The following BABAM2 variants were observed in gnomAD, a reference collection of about 807,000 sequenced individuals.
BABAM2 encodes the protein BRISC and BRCA1 A complex member 2.
A neutral mutation model predicts 54.7 loss-of-function variants in BABAM2; 31 were observed. The observed-to-expected ratio is 0.57, with a 90% CI of 0.43 to 0.77. BABAM2 has a LOEUF of 0.77. Among genes scored for constraint, BABAM2 ranks in the 30% least tolerant of loss-of-function variants. The pLI is 0.00. For missense variants in BABAM2, 364 were observed against 455.8 expected (o/e 0.80, Z 1.83); for synonymous variants, 167 against 162.9 (o/e 1.03, Z -0.19).
intron 2 of BABAM2, among the ~76,000 whole-genome samples, chr2:27,922,992 A>G (rs900338247): frequency 6.6e-6 from 1 of 152,200 alleles, no homozygotes; most frequent in Non-Finnish European, 1.5e-5. Context: ...ATGGCTTTCT[A>G]GATGAGTGAA....
At chr2:27,936,558 A>G (rs1431840129) in intron 3 of BABAM2, among the ~76,000 whole-genome samples, 2 of 152,242 alleles carry the variant, frequency 1.3e-5, no homozygotes, top group African/African-American at 2.4e-5. Flanking sequence ...CAAATGTCCA[A>G]CAATGATAGA....
chr2:27,988,334 TA>T (rs1672547977), intron 4 of BABAM2, among the ~76,000 whole-genome samples: 1 of 152,198 alleles, frequency 6.6e-6, no homozygotes, highest in South Asian at 2.1e-4. Context: ...TTGGTTGAAA[TA>T]TTTTTACTTC....
intron 6 of BABAM2, among the ~76,000 whole-genome samples, chr2:28,100,050 T>G (rs1666946822): frequency 2.0e-5 from 3 of 152,224 alleles, no homozygotes; most frequent in Admixed American, 1.3e-4. Flanking sequence ...GTTTTTTGTC[T>G]TTTCTAATTT....
chr2:27,973,666 A>G (rs1671385373), intron 3 of BABAM2, among the ~76,000 whole-genome samples: 1 of 152,142 alleles, frequency 6.6e-6, no homozygotes, highest in Non-Finnish European at 1.5e-5. Context: ...CACAGAGAAG[A>G]GGGGCTGGAG....
intron 5 of BABAM2, among the ~76,000 whole-genome samples, chr2:28,041,212 T>C (rs1677077253): frequency 6.6e-6 from 1 of 152,240 alleles, no homozygotes; most frequent in African/African-American, 2.4e-5. Flanking sequence ...CAGGCATATA[T>C]ATATACACAC....
At chr2:27,896,517 G>T (rs1665337326) in intron 2 of BABAM2, 1 of 152,342 alleles carries the variant, frequency 6.6e-6, no homozygotes, top group South Asian at 2.1e-4. Flanking sequence ...TAGAAGCCTA[G>T]TCTCTGCAGA....
At chr2:27,961,902 A>T (rs1027276325) in intron 3 of BABAM2, among the ~76,000 whole-genome samples, 3 of 150,594 alleles carry the variant, frequency 2.0e-5, no homozygotes, top group South Asian at 2.1e-4. Flanking sequence ...TAATTTTTAA[A>T]TTTTTTTTGT....
At chr2:28,120,438 G>C (rs977023866) in intron 6 of BABAM2, among the ~76,000 whole-genome samples, 1 of 152,262 alleles carries the variant, frequency 6.6e-6, no homozygotes. Context: ...TAGCATCCTA[G>C]AGGATATAGT....
chr2:28,230,297 AC>A (rs1681256396), intron 7 of BABAM2, among the ~76,000 whole-genome samples: 1 of 152,040 alleles, frequency 6.6e-6, no homozygotes, highest in African/African-American at 2.4e-5. Flanking sequence ...ATTGAATTAC[AC>A]CCTGATTTTG....
At chr2:28,058,646 G>A (rs1181463436) in intron 6 of BABAM2, among the ~76,000 whole-genome samples, 1 of 151,936 alleles carries the variant, frequency 6.6e-6, no homozygotes, top group African/African-American at 2.4e-5. Flanking sequence ...TGGGAAAGTA[G>A]GGGAGAGGAA....
chr2:27,906,582 A>G (rs1478159510), intron 2 of BABAM2, among the ~76,000 whole-genome samples: 1 of 152,190 alleles, frequency 6.6e-6, no homozygotes, highest in African/African-American at 2.4e-5. Flanking sequence ...CTAGGCTTCC[A>G]GAGTCTGGGG....
At chr2:28,073,137 G>T (rs1276633746) in intron 6 of BABAM2, among the ~76,000 whole-genome samples, 1 of 152,052 alleles carries the variant, frequency 6.6e-6, no homozygotes, top group African/African-American at 2.4e-5. Flanking sequence ...TTTGAGTAAG[G>T]TATCGTTCTA....
intron 6 of BABAM2, among the ~76,000 whole-genome samples, chr2:28,073,192 TC>T (rs2148661138): frequency 6.6e-6 from 1 of 152,276 alleles, no homozygotes; most frequent in East Asian, 1.9e-4. Flanking sequence ...TGTCCTTTTT[TC>T]TTTTTTAAAA....
intron 6 of BABAM2, among the ~76,000 whole-genome samples, chr2:28,117,419 C>T (rs555463478): frequency 6.6e-6 from 1 of 152,326 alleles, no homozygotes; most frequent in South Asian, 2.1e-4. Flanking sequence ...CCACTTCAAA[C>T]CAGCTTAGGC....
chr2:27,919,799 G>A (rs2148327889), intron 2 of BABAM2, among the ~76,000 whole-genome samples: 1 of 152,200 alleles, frequency 6.6e-6, no homozygotes, highest in South Asian at 2.1e-4. Flanking sequence ...CCACATTTTT[G>A]TTATAGGGAC....
At chr2:28,075,798 A>G (rs184567118) in intron 6 of BABAM2, among the ~76,000 whole-genome samples, 130 of 152,334 alleles carry the variant, frequency 8.5e-4, no homozygotes, top group Non-Finnish European at 1.7e-3. Context: ...AAACTATAAT[A>G]GAACTATTAT....
rs533101999 is a variant in BABAM2 at position 27,978,368 on chromosome 2, C to G, written c.206-9625C>G. On this transcript the variant is annotated intron_variant, in intron 3 of 11. Transcript: ENST00000379624. ...GGCACCATGCTTCCTGTACAGCCTG[C>G]AGAACTGTGAGCCAATTAAACCTCT... Among the ~76,000 whole-genome samples the G allele has an allele frequency of 2.0e-5, 3 of 152,270 alleles. No individual in the cohort carries two copies. In the South Asian group the frequency reaches 6.2e-4, roughly 32 times the overall value.
intron 7 of BABAM2, among the ~76,000 whole-genome samples, chr2:28,196,575 C>T (rs940860218): frequency 9.3e-5 from 14 of 151,318 alleles, no homozygotes; most frequent in African/African-American, 2.9e-4. Context: ...GATATGATGG[C>T]TCAATGCCTG....
chr2:27,989,366 C>T (rs1446636747), intron 4 of BABAM2, among the ~76,000 whole-genome samples: 2 of 152,086 alleles, frequency 1.3e-5, no homozygotes, highest in Admixed American at 6.6e-5. Context: ...GACTTGTACT[C>T]ATTCTTGAAG....
Sources: gnomAD v4.1 joint callset for allele counts (sites outside exome capture counted in the v4.1 genomes callset) on GRCh38, gnomAD v4.1.1 for gene constraint, MANE v1.5 for transcripts, NCBI Gene and HGNC (gene_info 2026-07-23, HGNC 2026-07-21) for gene names.